Variants in SBNO2 observed in about 807,000 individuals in gnomAD.
SBNO2 encodes the protein strawberry notch homolog 2.
In SBNO2, 89 loss-of-function variants were observed where a neutral mutation model predicts 146.3. The observed-to-expected ratio is 0.61, with a 90% CI of 0.51 to 0.73. SBNO2 has a LOEUF of 0.73. Ranked by LOEUF, SBNO2 falls within the 30% of genes least tolerant of loss-of-function variation. The pLI is 0.00. For synonymous variants in SBNO2, 1,147 were observed against 892.6 expected (o/e 1.29, Z -5.08); for missense variants, 2,092 against 2,003.7 (o/e 1.04, Z -0.84).
Position 1,112,220 on chromosome 19 carries a change from G to A in SBNO2, c.2597C>T (p.Ala866Val). ...CTCCAGGCGCTTGGCCACGATGGAG[G>A]CGAACCGGCGCTCCCCGGCCAGCTC... The part of the protein sequence containing the change: ...ISELAGERRF[A>V]SIVAKRLESL... Residue 866 changes from alanine (A) to valine (V), a missense_variant, in exon 22 of 32, where the codon GCC (alanine) becomes GTC (valine). Coordinates refer to ENST00000361757, the MANE Select transcript of SBNO2 (RefSeq NM_014963.3). This position sits in a 1 kb window ranked among gnomAD's most constrained non-coding sequence, Gnocchi z 5.9. The A allele has an allele frequency of 6.3e-7, 1 of 1,590,002 alleles. No individual in the cohort carries two copies. The highest frequency in any genetic ancestry group is 8.6e-7 in the Non-Finnish European group (1 of 1,168,558).
intron 4 of SBNO2, among the ~76,000 whole-genome samples, chr19:1,145,673 G>C (rs1344325053): frequency 6.6e-6 from 1 of 152,078 alleles, no homozygotes; most frequent in Non-Finnish European, 1.5e-5. Context: ...GTCCCCTGAA[G>C]GGTGGGGCAC....
intron 1 of SBNO2, among the ~76,000 whole-genome samples, chr19:1,161,922 G>GGGGGGGGGGGGGGGGC: frequency 9.7e-6 from 1 of 103,608 alleles, no homozygotes; most frequent in Non-Finnish European, 2.0e-5. Context: ...GGGGGGGGGG[G>GGGGGGGGGGGGGGGGC]GGGTTGGGCC....
intron 4 of SBNO2, among the ~76,000 whole-genome samples, chr19:1,131,639 C>A (rs796713076): frequency 1.3e-5 from 2 of 152,216 alleles, no homozygotes; most frequent in Admixed American, 1.3e-4. Flanking sequence ...GCCCACCCAG[C>A]CTCCGCTCCC....
chr19:1,154,629 C>T lies in SBNO2; in HGVS notation c.-126-227G>A, dbSNP rs193209909. On this transcript the variant is annotated intron_variant, in intron 1 of 31. Transcript: ENST00000361757. ...CCCACAGCGCCTTTCCTGGCCTCCC[C>T]GGCCCCAACTACAACGATTAAGGTG... 3.4e-3 allele frequency among the ~76,000 whole-genome samples: 513 copies of T among 152,334 alleles called. 1 individual carries two copies. The highest frequency in any genetic ancestry group is 4.7e-3 in the Non-Finnish European group (317 of 68,026).
chr19:1,127,613 G>A lies in SBNO2; in HGVS notation c.432C>T (p.Thr144=). The stretch of plus-strand genomic sequence containing the variant: ...CACCGGGCGCACTGACCTTATCGTG[G>A]GTGGAGGGGGCAGGGTTATCGTCCC... ...TIWDDNPAPS[T]HDKLFQLSRP... is the part of the protein sequence containing the mutation. The change falls in exon 5 of 32, where the codon ACC becomes ACT. Residue 144 remains threonine (T), a synonymous_variant. Coordinates refer to ENST00000361757, the MANE Select transcript of SBNO2 (RefSeq NM_014963.3). 6.2e-7 allele frequency: 1 copy of A among 1,612,680 alleles called. No homozygotes were observed. The highest frequency in any genetic ancestry group is 1.1e-5 in the South Asian group (1 of 91,062).
At chr19:1,119,453 A>C in intron 13 of SBNO2, 63 bp downstream of exon 13, 1 of 1,309,586 alleles carries the variant, frequency 7.6e-7, no homozygotes, top group Non-Finnish European at 1.1e-6. Context: ...CCTTGGGCTG[A>C]TGGGCCTGAG....
chr19:1,109,770 A>T lies in SBNO2; in HGVS notation c.3036T>A (p.Ala1012=), dbSNP rs953789407. ...CCTCGTAGATCTCCTCGATACCGGG[A>T]GCAAGGTCTAGGGGGGCGGGTGGAG... ...GKYDMGILDL[A]PGIEEIYEES... The change falls in exon 27 of 32, where the codon GCT becomes GCA. Residue 1012 remains alanine, a synonymous_variant. Coordinates refer to ENST00000361757, the MANE Select transcript of SBNO2 (RefSeq NM_014963.3). The surrounding 1 kb of genome is among the most constrained non-coding windows in gnomAD (Gnocchi z 4.2). The T allele has an allele frequency of 6.8e-7, 1 of 1,467,822 alleles. No homozygotes were observed. Among genetic ancestry groups the T allele is most frequent in the African/African-American group, 1.5e-5 (1 of 68,926 alleles). 90.9% of individuals were successfully genotyped at this position (1,467,822 alleles called of 1,614,324 possible).
In SBNO2 at chr19:1,123,049, G is replaced by C. The variant is rs1449974043; in HGVS notation, c.629-4C>G. The C allele has an allele frequency of 6.3e-7, 1 of 1,592,342 alleles. No individual in the cohort carries two copies. Among genetic ancestry groups the C allele is most frequent in the South Asian group, 1.1e-5 (1 of 87,366 alleles). ...GGGTGCTGCTTCCCGATCTTGGCTG[G>C]AGGAGCAAGGACGGAGGGCAAGGTA... On this transcript the variant is annotated splice_region_variant and splice_polypyrimidine_tract_variant and intron_variant, in intron 7 of 31. Transcript: ENST00000361757.
intron 11 of SBNO2, among the ~76,000 whole-genome samples, chr19:1,121,781 G>T (rs3787014): frequency 6.6e-6 from 1 of 151,964 alleles, no homozygotes; most frequent in African/African-American, 2.4e-5. Flanking sequence ...GCAAACATCA[G>T]GACCACATCT....
intron 1 of SBNO2, among the ~76,000 whole-genome samples, chr19:1,166,009 A>C (rs2080416554): frequency 2.3e-5 from 1 of 43,800 alleles, no homozygotes. Context: ...CAGATCCTAG[A>C]TCCCAGACCT....
At position 1,110,216 on chromosome 19, in the gene SBNO2, A is replaced by T. The variant is rs2079739355; in HGVS notation, c.3029-439T>A. Among the ~76,000 whole-genome samples the T allele has an allele frequency of 6.6e-6, 1 of 152,100 alleles. No homozygotes were observed. ...CTGCGGCACTGCTCATGAGTGAAGT[A>T]GCCATGGCCCGGACCCGACCCTCAT... On this transcript the variant is annotated intron_variant, in intron 26 of 31. Coordinates refer to ENST00000361757, the MANE Select transcript of SBNO2 (RefSeq NM_014963.3). The surrounding 1 kb of genome is among the most constrained non-coding windows in gnomAD (Gnocchi z 4.9).
chr19:1,108,462 C>G lies in SBNO2; in HGVS notation c.3859G>C (p.Gly1287Arg). The change falls in exon 32 of 32, where the codon GGC (glycine) becomes CGC (arginine). Residue 1287 changes from glycine to arginine, a missense_variant. Coordinates refer to ENST00000361757, the MANE Select transcript of SBNO2 (RefSeq NM_014963.3). ...PAPLSLDAGP[G>R]VVPLGTPDAQ... ...TCGGGGGTGCCCAGCGGCACGACGCCGGGGCCGGCGTCCAGGGACAGCGGC... is the reference window on the plus strand; with the variant it reads ...TCGGGGGTGCCCAGCGGCACGACGCGGGGGCCGGCGTCCAGGGACAGCGGC... The G allele has an allele frequency of 8.2e-7, 1 of 1,225,966 alleles. No homozygotes were observed. The allele number at this position is 1,225,966 out of a possible 1,614,324, so 75.9% of individuals were successfully genotyped here. A position where few individuals can be genotyped will look rare whatever the true frequency, so the allele number is the denominator to read the frequency against.
rs1476452008 is a variant in SBNO2, at chr19:1,149,370, G to A, written c.166C>T (p.Arg56Cys). 25 of 1,551,474 alleles carry A rather than the reference G, an allele frequency of 1.6e-5. No homozygotes were observed. Among genetic ancestry groups the A allele is most frequent in the East Asian group, 2.4e-5 (1 of 41,112 alleles). ...GGCGGGGAGGGTCCCGGTACTCACC[G>A]GCTGTCGCTGGAGAAGGCAGGGTAT... ...PPYPAFSSDSRPFMSSASFLG... is the reference protein window; with the variant it reads ...PPYPAFSSDSCPFMSSASFLG... Residue 56 changes from arginine to cysteine, a missense_variant and splice_region_variant, in exon 3 of 32, where the codon CGC (arginine) becomes TGC (cysteine). Coordinates refer to ENST00000361757, the MANE Select transcript of SBNO2 (RefSeq NM_014963.3).
At position 1,136,674 on chromosome 19, in the gene SBNO2, C is replaced by T. The variant is rs1347433439; in HGVS notation, c.280-8909G>A. ...CTCATCTCTCTCCCTCTTTTTTGCC[C>T]AATGCCAGTAACTGTGGGGGCTCCG... On this transcript the variant is annotated intron_variant, in intron 4 of 31. Transcript: ENST00000361757. This position sits in a 1 kb window ranked among gnomAD's most constrained non-coding sequence, Gnocchi z 4.2. Among the ~76,000 whole-genome samples the T allele has an allele frequency of 6.6e-6, 1 of 152,138 alleles. No homozygotes were observed. The highest frequency in any genetic ancestry group is 2.4e-5 in the African/African-American group (1 of 41,444).
Position 1,111,592 on chromosome 19 carries a change from C to A in SBNO2, c.2723G>T (p.Cys908Phe). 6.3e-7 allele frequency: 1 copy of A among 1,592,074 alleles called. No homozygotes were observed. The highest frequency in any genetic ancestry group is 8.5e-7 in the Non-Finnish European group (1 of 1,169,664). ...ENKYGTRALH[C>F]VLTTILSQTE... ...CTGGCTCAGGATGGTGGTGAGGACA[C>A]AGTGCAGGGCCCGGGTGCCATACTA... Residue 908 changes from cysteine (C) to phenylalanine (F), a missense_variant, in exon 24 of 32, where the codon TGT (cysteine) becomes TTT (phenylalanine). Physicochemically the swap from Cys to Phe is radical, Grantham distance 205. Transcript: ENST00000361757.
chr19:1,115,433 G>C (rs933792234), intron 17 of SBNO2: 2 of 151,720 alleles, frequency 1.3e-5, no homozygotes, highest in African/African-American at 4.9e-5. Context: ...TAGAGACAGG[G>C]TCTCACCATG....
chr19:1,108,092 A>G lies in SBNO2; in HGVS notation c.*128T>C. 9.2e-7 allele frequency: 1 copy of G among 1,090,316 alleles called. No homozygotes were observed. The allele number at this position is 1,090,316 out of a possible 1,614,324, so 67.5% of individuals were successfully genotyped here. A position where few individuals can be genotyped will look rare whatever the true frequency, so the allele number is the denominator to read the frequency against. ...AGGTGGGGGCCCGGGTCGGGCGCTGAAGGCACTGCGGCCAGGGCCTAGGGC... is the reference window on the plus strand; with the variant it reads ...AGGTGGGGGCCCGGGTCGGGCGCTGGAGGCACTGCGGCCAGGGCCTAGGGC... On this transcript the variant is annotated 3_prime_UTR_variant, in exon 32 of 32. Transcript: ENST00000361757.
rs201906866 is a variant in SBNO2, at chr19:1,109,616, G to T, written c.3124-18C>A. On this transcript the variant is annotated intron_variant, in intron 27 of 31. Coordinates refer to ENST00000361757, the MANE Select transcript of SBNO2 (RefSeq NM_014963.3). This position sits in a 1 kb window ranked among gnomAD's most constrained non-coding sequence, Gnocchi z 4.2. ...ACGCTGATCTGCCACGGCACGGGGT[G>T]GGGGGGTGTGAGTGTGGTGGGGGCG... is the stretch of plus-strand genomic sequence containing the variant. The T allele has an allele frequency of 5.8e-6, 9 of 1,561,822 alleles. No homozygotes were observed. The highest frequency in any genetic ancestry group is 1.9e-4 in the Middle Eastern group (1 of 5,246).
intron 4 of SBNO2, among the ~76,000 whole-genome samples, chr19:1,142,284 CTG>C (rs2080148274): frequency 6.6e-6 from 1 of 150,716 alleles, no homozygotes; most frequent in Non-Finnish European, 1.5e-5. Flanking sequence ...CACAATCAAT[CTG>C]CCCCTCAGTG....
Sources: allele counts gnomAD v4.1 joint callset (sites outside exome capture counted in the v4.1 genomes callset), GRCh38; gene constraint gnomAD v4.1.1; non-coding constraint Gnocchi (gnomAD v3.1); transcripts MANE v1.5; gene names NCBI Gene and HGNC (gene_info 2026-07-23, HGNC 2026-07-21).